Variants in NHSL2 observed in about 807,000 individuals in gnomAD.
NHSL2 encodes the protein NHS like 2.
Under a neutral mutation model 53.4 loss-of-function variants are expected in NHSL2, and 27 were observed. The ratio of observed to expected loss-of-function variants is 0.51; its 90% CI spans 0.37 to 0.70. NHSL2 has a LOEUF of 0.70. Ranked by LOEUF, NHSL2 falls within the 30% of genes least tolerant of loss-of-function variation. The pLI is 0.00. For missense variants in NHSL2, 892 were observed against 980.1 expected (o/e 0.91, Z 1.20); for synonymous variants, 408 against 404.1 (o/e 1.01, Z -0.12).
chrX:71,945,737 G>A (rs1473689985), intron 1 of NHSL2, among the ~76,000 whole-genome samples: 1 of 111,734 alleles, frequency 8.9e-6, no homozygotes, highest in Admixed American at 9.5e-5. Flanking sequence ...ATATGGGCTA[G>A]CAGGGAAGAG....
chrX:71,911,396 C>G (rs2041601361), intron 1 of NHSL2, 29 bp downstream of exon 1: 47 of 1,037,577 alleles, frequency 4.5e-5, no homozygotes, highest in Non-Finnish European at 5.8e-5. Context: ...TGGCTCGCGG[C>G]CCCGCGTCTA....
At chrX:72,033,181 GA>G (rs2042224427) in intron 1 of NHSL2, among the ~76,000 whole-genome samples, 1 of 97,115 alleles carries the variant, frequency 1.0e-5, no homozygotes, top group African/African-American at 4.3e-5. Flanking sequence ...GGGAAGAATT[GA>G]CTTTTTTTTT....
rs1330542414 is a variant in NHSL2, at chrX:72,139,024, C to T, written c.1476C>T (p.Ser492=). The change falls in exon 6 of 8, where the codon AGC becomes AGT. Residue 492 remains serine (S), a synonymous_variant. Coordinates refer to ENST00000633930, the MANE Select transcript of NHSL2 (RefSeq NM_001013627.3). ...TGGAGACAGGCCCCGGTGGGGCCAG[C>T]AGATTCCGGGAGCGGTCACTGTCTG... is the stretch of plus-strand genomic sequence containing the variant. ...SRLETGPGGA[S]RFRERSLSVP... 1.7e-6 allele frequency: 2 copies of T among 1,175,350 alleles called. No individual in the cohort carries two copies. Among genetic ancestry groups the T allele is most frequent in the Admixed American group, 2.5e-5 (1 of 40,205 alleles).
intron 1 of NHSL2, among the ~76,000 whole-genome samples, chrX:72,011,446 C>T (rs1189229884): frequency 2.7e-5 from 3 of 112,165 alleles, no homozygotes; most frequent in Admixed American, 9.4e-5. Flanking sequence ...CCAAGGTGGG[C>T]GGATCACGAG....
intron 1 of NHSL2, among the ~76,000 whole-genome samples, chrX:71,920,664 C>T (rs1328583412): frequency 9.0e-6 from 1 of 111,460 alleles, no homozygotes; most frequent in Non-Finnish European, 1.9e-5. Context: ...TTTGAACACG[C>T]AATCCTTTAC....
rs1420200249 is a variant in NHSL2, at chrX:72,139,996, C to A, written c.2448C>A (p.Asn816Lys). The A allele has an allele frequency of 2.5e-6, 3 of 1,208,494 alleles. No individual in the cohort carries two copies. In the African/African-American group the frequency reaches 5.3e-5, roughly 21 times the overall value. Residue 816 changes from asparagine to lysine, a missense_variant, in exon 6 of 8, where the codon AAC becomes AAA. Asn to Lys is a moderately conservative substitution (Grantham distance 94). Coordinates refer to ENST00000633930, the MANE Select transcript of NHSL2 (RefSeq NM_001013627.3). ...GVKLAQKTNP[N>K]QPIMPMVTQS... The stretch of plus-strand genomic sequence containing the variant: ...AGCTGGCCCAGAAAACTAATCCCAA[C>A]CAGCCAATCATGCCTATGGTTACTC...
chrX:71,911,129 C>G lies in NHSL2; in HGVS notation c.42C>G (p.Cys14Trp), dbSNP rs1266424944. The change falls in exon 1 of 8, where the codon TGC becomes TGG. Residue 14 changes from cysteine (C) to tryptophan (W), a missense_variant. Cys to Trp is a radical substitution (Grantham distance 215, BLOSUM62 -2). Coordinates refer to ENST00000633930, the MANE Select transcript of NHSL2 (RefSeq NM_001013627.3). ...GCACGGTGGTACCCCAGCGCCTGTG[C>G]CCGCGCAACCCGCCGCAGCAGCTGG... ...YRRTVVPQRL[C>W]PRNPPQQLAE... is the part of the protein sequence containing the mutation. The G allele has an allele frequency of 7.2e-6, 8 of 1,106,549 alleles. No homozygotes were observed. The highest frequency in any genetic ancestry group is 8.3e-6 in the Non-Finnish European group (7 of 847,480). 91.2% of individuals were successfully genotyped at this position (1,106,549 alleles called of 1,213,427 possible). A position where few individuals can be genotyped will look rare whatever the true frequency, so the allele number is the denominator to read the frequency against.
At chrX:72,089,065 A>G (rs1374612386) in intron 1 of NHSL2, among the ~76,000 whole-genome samples, 1 of 110,993 alleles carries the variant, frequency 9.0e-6, no homozygotes, top group Non-Finnish European at 1.9e-5. Context: ...TTATATTCTG[A>G]CTGGGGGAAC....
chrX:72,021,802 C>A (rs1169349679), intron 1 of NHSL2, among the ~76,000 whole-genome samples: 1 of 111,364 alleles, frequency 9.0e-6, no homozygotes, highest in African/African-American at 3.3e-5. Flanking sequence ...TCAGAGAAAC[C>A]CTCTTGCCTA....
chrX:72,085,195 C>G (rs2041827249), intron 1 of NHSL2, among the ~76,000 whole-genome samples: 1 of 111,657 alleles, frequency 9.0e-6, no homozygotes, highest in South Asian at 3.8e-4. Flanking sequence ...TGGGATGACC[C>G]CCAGCACAGC....
At chrX:72,021,314 C>T (rs1050138081) in intron 1 of NHSL2, among the ~76,000 whole-genome samples, 2 of 112,297 alleles carry the variant, frequency 1.8e-5, no homozygotes, top group Non-Finnish European at 3.8e-5. Context: ...AGACACTTCT[C>T]ATCTATCCCC....
intron 1 of NHSL2, among the ~76,000 whole-genome samples, chrX:72,082,236 T>C (rs2041798290): frequency 9.1e-6 from 1 of 109,765 alleles, no homozygotes; most frequent in Non-Finnish European, 1.9e-5. Flanking sequence ...GAGAAGAAAA[T>C]GTATGGTCAG....
At chrX:72,072,663 C>G (rs887819725) in intron 1 of NHSL2, among the ~76,000 whole-genome samples, 4 of 112,418 alleles carry the variant, frequency 3.6e-5, no homozygotes, top group African/African-American at 1.3e-4. Flanking sequence ...TGTGTTTCCT[C>G]TTCTCTGAAA....
At chrX:72,042,487 T>C (rs1441521642) in intron 1 of NHSL2, among the ~76,000 whole-genome samples, 1 of 111,533 alleles carries the variant, frequency 9.0e-6, no homozygotes, top group Non-Finnish European at 1.9e-5. Flanking sequence ...CATGTCCACT[T>C]CCTCTCTGAA....
rs1400814940 is a variant in NHSL2 at position 72,144,560 on chromosome X, C to A, written c.*986C>A. On this transcript the variant is annotated 3_prime_UTR_variant, in exon 8 of 8. Coordinates refer to ENST00000633930, the MANE Select transcript of NHSL2 (RefSeq NM_001013627.3). The stretch of plus-strand genomic sequence containing the variant: ...GAAAGTAAGTGCATCTTGCCCCCCA[C>A]CAGTCAATTCAGATCGTGGTTTGTG... The A allele has an allele frequency of 9.8e-7, 1 of 1,023,289 alleles. No homozygotes were observed. The highest frequency in any genetic ancestry group is 2.5e-5 in the Admixed American group (1 of 40,280). The allele number at this position is 1,023,289 out of a possible 1,213,427, so 84.3% of individuals were successfully genotyped here.
intron 1 of NHSL2, among the ~76,000 whole-genome samples, chrX:72,119,996 A>C (rs944842311): frequency 8.0e-5 from 9 of 112,370 alleles, no homozygotes; most frequent in African/African-American, 2.9e-4. Flanking sequence ...GTCTATCGAT[A>C]TGGTGTATTA....
chrX:72,084,323 GCACAGGC>G (rs1211785449), intron 1 of NHSL2, among the ~76,000 whole-genome samples: 6 of 112,545 alleles, frequency 5.3e-5, no homozygotes, highest in African/African-American at 1.9e-4. Context: ...GCCAGAGCCT[GCACAGGC>G]CACAAACCCA....
At position 72,139,149 on chromosome X, in the gene NHSL2, G is replaced by A; in HGVS notation, c.1601G>A (p.Ser534Asn). ...TTTGCCAGTACGAGCTCTGAGGGCA[G>A]TAACAGTGCTGACAACATTGCCTCC... The part of the protein sequence containing the change: ...LPFASTSSEG[S>N]NSADNIASLS... The change falls in exon 6 of 8, where the codon AGT (serine) becomes AAT (asparagine). Residue 534 changes from serine (S) to asparagine (N), a missense_variant. Transcript: ENST00000633930. 8.5e-7 allele frequency: 1 copy of A among 1,173,559 alleles called. No individual in the cohort carries two copies.
intron 1 of NHSL2, among the ~76,000 whole-genome samples, chrX:72,091,899 G>A (rs1300991382): frequency 9.0e-6 from 1 of 111,632 alleles, no homozygotes; most frequent in African/African-American, 3.3e-5. Context: ...CCAGGACTAG[G>A]AAGCCTGGAT....
Sources: gnomAD v4.1 joint callset for allele counts (sites outside exome capture counted in the v4.1 genomes callset) on GRCh38, gnomAD v4.1.1 for gene constraint, MANE v1.5 for transcripts, NCBI Gene and HGNC (gene_info 2026-07-23, HGNC 2026-07-21) for gene names.